SYN3: variants seen among roughly 807,000 people sequenced by gnomAD.
SYN3 encodes synapsin III.
In SYN3, 35 loss-of-function variants were observed where a neutral mutation model predicts 65.8. The ratio of observed to expected loss-of-function variants is 0.53; its 90% confidence interval spans 0.41 to 0.70. SYN3 has a LOEUF of 0.70. Ranked by LOEUF, SYN3 falls within the 30% of genes least tolerant of loss-of-function variation. The pLI is 0.00. For missense variants in SYN3, 680 were observed against 749.0 expected, an observed-to-expected ratio of 0.91 and a Z score of 1.08; for synonymous variants, 270 against 292.9, an observed-to-expected ratio of 0.92 and a Z score of 0.80.
chr22:32,636,119 C>A (rs997467893), intron 6 of SYN3, among the ~76,000 whole-genome samples: 1 of 152,072 alleles, frequency 6.6e-6, no homozygotes, highest in East Asian at 1.9e-4. Flanking sequence ...ATCAGAACCA[C>A]GGCCGGGCGT....
chr22:32,604,158 A>G (rs559154525), intron 6 of SYN3, among the ~76,000 whole-genome samples: 1 of 152,076 alleles, frequency 6.6e-6, no homozygotes, highest in Non-Finnish European at 1.5e-5. Context: ...TATGTTCTTG[A>G]CTCTGAAGAT....
At chr22:32,832,504 T>C (rs1008017102) in intron 6 of SYN3, among the ~76,000 whole-genome samples, 6 of 151,668 alleles carry the variant, frequency 4.0e-5, no homozygotes, top group Admixed American at 1.3e-4. Context: ...CCCAGGGCTC[T>C]TCTTGCTATT....
chr22:32,865,768 T>C (rs5998649), intron 5 of SYN3, among the ~76,000 whole-genome samples: 1,772 of 152,144 alleles, frequency 0.012, 31 homozygotes, highest in African/African-American at 0.04. Context: ...AGCAACAAGC[T>C]GAATATGGGG....
chr22:32,802,235 C>A (rs2046608579), intron 6 of SYN3: 1 of 1,430,766 alleles, frequency 7.0e-7, no homozygotes, highest in South Asian at 1.3e-5. Context: ...GAGGGGCAGA[C>A]GGGGTTGGGG....
intron 6 of SYN3, chr22:32,860,490 G>A (rs1337801513): frequency 6.6e-6 from 1 of 152,532 alleles, no homozygotes; most frequent in Non-Finnish European, 1.5e-5. Context: ...CTATTTTGTT[G>A]TCGTTGCTTG....
chr22:32,965,152 T>C (rs1284556833), intron 3 of SYN3, among the ~76,000 whole-genome samples: 4 of 152,136 alleles, frequency 2.6e-5, no homozygotes, highest in African/African-American at 9.7e-5. Context: ...GGGGTGGTGA[T>C]GAAAATTAAA....
At chr22:32,984,931 A>C (rs191369740) in intron 2 of SYN3, among the ~76,000 whole-genome samples, 2 of 152,294 alleles carry the variant, frequency 1.3e-5, no homozygotes, top group East Asian at 1.9e-4. Context: ...TCTGGGTCTC[A>C]GTTTCCTCAT....
intron 6 of SYN3, among the ~76,000 whole-genome samples, chr22:32,803,860 G>A (rs1211860248): frequency 1.3e-5 from 2 of 152,132 alleles, no homozygotes; most frequent in African/African-American, 2.4e-5. Context: ...GGTATGTAGT[G>A]GGAGTAGGTC....
intron 6 of SYN3, among the ~76,000 whole-genome samples, chr22:32,807,986 CTTT>C: frequency 6.6e-6 from 1 of 151,900 alleles, no homozygotes; most frequent in East Asian, 1.9e-4. Flanking sequence ...TTTTTTCCTT[CTTT>C]TTGTCTCTTT....
chr22:32,821,289 G>T (rs1160447472), intron 6 of SYN3, among the ~76,000 whole-genome samples: 2 of 152,196 alleles, frequency 1.3e-5, no homozygotes, highest in African/African-American at 2.4e-5. Context: ...AGAGATGCCA[G>T]CAGTGACAGG....
chr22:32,625,539 T>C (rs1408554622), intron 6 of SYN3, among the ~76,000 whole-genome samples: 1 of 152,212 alleles, frequency 6.6e-6, no homozygotes, highest in Non-Finnish European at 1.5e-5. Flanking sequence ...AAAGTTGTGG[T>C]CCAGACGGAA....
At chr22:32,885,385 G>T (rs1362860152) in intron 4 of SYN3, among the ~76,000 whole-genome samples, 2 of 152,124 alleles carry the variant, frequency 1.3e-5, no homozygotes, top group Non-Finnish European at 2.9e-5. Flanking sequence ...ATGGACTTTT[G>T]TTCTCATACT....
chr22:32,943,245 C>A (rs968715802), intron 3 of SYN3, among the ~76,000 whole-genome samples: 1 of 152,360 alleles, frequency 6.6e-6, no homozygotes, highest in Admixed American at 6.5e-5. Context: ...AACAGTGGAT[C>A]TCTTGGCAGA....
At chr22:32,709,646 T>C (rs1002770044) in intron 6 of SYN3, among the ~76,000 whole-genome samples, 6 of 152,096 alleles carry the variant, frequency 3.9e-5, no homozygotes, top group Non-Finnish European at 8.8e-5. Flanking sequence ...AAAAAAGGAA[T>C]ATCACCTCCA....
chr22:32,571,962 A>C (rs1295310801), intron 7 of SYN3, among the ~76,000 whole-genome samples: 10 of 152,046 alleles, frequency 6.6e-5, no homozygotes. Context: ...TTCTGCCCTT[A>C]AGGTCTAGCC....
chr22:32,909,536 T>C (rs757829629), intron 4 of SYN3, among the ~76,000 whole-genome samples: 1 of 152,110 alleles, frequency 6.6e-6, no homozygotes, highest in Non-Finnish European at 1.5e-5. Flanking sequence ...TTATCTTTGC[T>C]CTCCCAGGGT....
intron 1 of SYN3, among the ~76,000 whole-genome samples, chr22:33,018,092 A>G (rs1273122624): frequency 6.6e-6 from 1 of 152,204 alleles, no homozygotes; most frequent in Non-Finnish European, 1.5e-5. Context: ...GGTTAGAGAC[A>G]AGAGGGATAT....
At chr22:32,554,583 C>G (rs534876401) in intron 7 of SYN3, among the ~76,000 whole-genome samples, 1 of 152,178 alleles carries the variant, frequency 6.6e-6, no homozygotes, top group East Asian at 1.9e-4. Context: ...TCCTTCCAGC[C>G]AAACTATTCA....
At chr22:32,889,517 A>G (rs867710532) in intron 4 of SYN3, among the ~76,000 whole-genome samples, 8 of 152,364 alleles carry the variant, frequency 5.3e-5, no homozygotes, top group Non-Finnish European at 1.0e-4. Flanking sequence ...ACAGCAAGGT[A>G]TAAAGAAGAG....
Sources: allele counts gnomAD v4.1 joint callset (sites outside exome capture counted in the v4.1 genomes callset), GRCh38; gene constraint gnomAD v4.1.1; transcripts MANE v1.5; gene names NCBI Gene and HGNC (gene_info 2026-07-23, HGNC 2026-07-21).